The following FCHSD1 variants were observed in gnomAD, a reference collection of about 807,000 sequenced individuals.
FCHSD1 encodes the protein FCH and double SH3 domains 1.
A neutral mutation model predicts 101.3 loss-of-function variants in FCHSD1; 109 were observed. The observed-to-expected ratio is 1.08, with a 90% CI of 0.92 to 1.26. The LOEUF (loss-of-function observed/expected upper bound fraction) is 1.26, where lower values mean the gene tolerates loss of function less well. Among genes scored for constraint, FCHSD1 ranks in the 50% most tolerant of loss-of-function variants. The pLI, the probability that FCHSD1 is intolerant of heterozygous loss-of-function variation, is 0.00. For synonymous variants in FCHSD1, 291 were observed against 356.8 expected, an observed-to-expected ratio of 0.82 and a Z score of 2.08; for missense variants, 820 against 895.8, an observed-to-expected ratio of 0.92 and a Z score of 1.08.
chr5:141,643,753 C>G (rs920743347), intron 17 of FCHSD1, among the ~76,000 whole-genome samples: 13 of 151,368 alleles, frequency 8.6e-5, no homozygotes, highest in Admixed American at 2.6e-4. Flanking sequence ...GGGGCTGATA[C>G]AGGAGAATCG....
chr5:141,643,219 T>TGTGGG (rs2099907189), intron 17 of FCHSD1, 131 bp from the exon 18 acceptor site: 3 of 565,726 alleles, frequency 5.3e-6, no homozygotes, highest in South Asian at 5.4e-5. Flanking sequence ...TTGCATTCGG[T>TGTGGG]GGGGGGGTGT....
intron 3 of FCHSD1, 116 bp downstream of exon 3, chr5:141,650,243 T>C: frequency 7.5e-7 from 1 of 1,335,856 alleles, no homozygotes; most frequent in Admixed American, 1.8e-5. Flanking sequence ...CTGACACCAG[T>C]CTGCTTGACT....
At position 141,640,032 on chromosome 5, in the gene FCHSD1, G is replaced by C; in HGVS notation, c.*1466C>G. On this transcript the variant is annotated 3_prime_UTR_variant, in exon 20 of 20. Coordinates refer to ENST00000435817, the MANE Select transcript of FCHSD1 (RefSeq NM_033449.3). ...GGGACAGGACCCAGGGGGTGGTCAG[G>C]GGTCTGGGGGAGGGCAGCCCAAGGC... 2 of 1,613,644 alleles carry C rather than the reference G, an allele frequency of 1.2e-6. No homozygotes were observed. Among genetic ancestry groups the C allele is most frequent in the East Asian group, 2.2e-5 (1 of 44,862 alleles).
chr5:141,644,470 A>T lies in FCHSD1; in HGVS notation c.1643-32T>A, dbSNP rs1232826859. The stretch of plus-strand genomic sequence containing the variant: ...AGGCCCAGGAGAGACGGTGAGAGGG[A>T]GGTGGGTAGCAGTGCCCCAGGACCA... On this transcript the variant is annotated intron_variant, in intron 16 of 19. Coordinates refer to ENST00000435817, the MANE Select transcript of FCHSD1 (RefSeq NM_033449.3). 4 of 1,609,530 alleles carry T rather than the reference A, an allele frequency of 2.5e-6. No individual in the cohort carries two copies. In the Admixed American group the frequency reaches 5.0e-5, roughly 20 times the overall value.
chr5:141,641,784 T>C (rs1278969984), intron 18 of FCHSD1, 27 bp from the exon 19 acceptor site: 1 of 1,613,454 alleles, frequency 6.2e-7, no homozygotes, highest in Non-Finnish European at 8.5e-7. Flanking sequence ...CAAGTCAGTC[T>C]TCAGACTTTG....
Position 141,649,156 on chromosome 5 carries a change from C to T in FCHSD1, c.512+16G>A, listed in dbSNP as rs373969125. The stretch of plus-strand genomic sequence containing the variant: ...TGTTCCCCAACCTTGGGCTTCCTCA[C>T]TCTCCATGACCCCACCTGGCCTGGA... On this transcript the variant is annotated intron_variant, in intron 6 of 19. Coordinates refer to ENST00000435817, the MANE Select transcript of FCHSD1 (RefSeq NM_033449.3). The surrounding 1 kb of genome is among the most constrained non-coding windows in gnomAD (Gnocchi z 4.1). 1.2e-5 allele frequency: 20 copies of T among 1,614,006 alleles called. No homozygotes were observed. The African/African-American group carries it at 1.7e-4, about 14-fold the overall frequency.
chr5:141,642,384 G>C (rs2099907025), intron 18 of FCHSD1: 1 of 690,284 alleles, frequency 1.4e-6, no homozygotes, highest in African/African-American at 1.8e-5. Flanking sequence ...AGGGGCGAGG[G>C]TTGAAAAATT....
In FCHSD1 at chr5:141,641,294, C is replaced by G; in HGVS notation, c.*204G>C. 2.0e-6 allele frequency: 1 copy of G among 497,166 alleles called. No homozygotes were observed. 30.8% of individuals were successfully genotyped at this position (497,166 alleles called of 1,614,324 possible). A position where few individuals can be genotyped will look rare whatever the true frequency, so the allele number is the denominator to read the frequency against. ...GACAGAAGAGAAGGTAGTTCCGGTC[C>G]TAGAGATGATAGAACAATGGGAAAA... On this transcript the variant is annotated 3_prime_UTR_variant, in exon 20 of 20. Transcript: ENST00000435817.
intron 11 of FCHSD1, 133 bp downstream of exon 11, chr5:141,646,470 C>T: frequency 7.3e-7 from 1 of 1,367,458 alleles, no homozygotes; most frequent in African/African-American, 1.5e-5. Flanking sequence ...TATTGTGCCA[C>T]ACTGTTACCT....
rs748622836 is a variant in FCHSD1 at position 141,649,352 on chromosome 5, G to C, written c.375+43C>G. The C allele has an allele frequency of 1.2e-6, 2 of 1,613,692 alleles. No individual in the cohort carries two copies. Among genetic ancestry groups the C allele is most frequent in the East Asian group, 2.2e-5 (1 of 44,886 alleles). ...AAAGTCCTTACCTAGACCACCTTTG[G>C]TCCCAAGCCAGCTCTTCCTTCACCC... is the stretch of plus-strand genomic sequence containing the variant. On this transcript the variant is annotated intron_variant, in intron 5 of 19. Coordinates refer to ENST00000435817, the MANE Select transcript of FCHSD1 (RefSeq NM_033449.3). The surrounding 1 kb of genome is among the most constrained non-coding windows in gnomAD (Gnocchi z 4.1).
intron 19 of FCHSD1, 61 bp from the exon 20 acceptor site, chr5:141,641,624 C>T (rs1425070342): frequency 8.7e-6 from 14 of 1,607,074 alleles, no homozygotes; most frequent in Non-Finnish European, 1.2e-5. Flanking sequence ...CTGTCTATTC[C>T]CTCAGCCCTG....
rs1304887178 is a variant in FCHSD1, at chr5:141,648,116, T to C, written c.577-20A>G. ...GGACAGCTAGGAGGGTAAACTGATG[T>C]CAATAGGAAGCCCTAGACCCCCAGA... On this transcript the variant is annotated intron_variant, in intron 7 of 19. Transcript: ENST00000435817. 6.3e-7 allele frequency: 1 copy of C among 1,594,820 alleles called. No homozygotes were observed. The highest frequency in any genetic ancestry group is 2.2e-5 in the East Asian group (1 of 44,526).
Position 141,649,932 on chromosome 5 carries a change from G to T in FCHSD1, c.188C>A (p.Pro63Gln). The change falls in exon 4 of 20, where the codon CCA (proline) becomes CAA (glutamine). Residue 63 changes from proline to glutamine, a missense_variant. Pro to Gln is a moderately conservative substitution (Grantham distance 76, BLOSUM62 -1). Coordinates refer to ENST00000435817, the MANE Select transcript of FCHSD1 (RefSeq NM_033449.3). This position sits in a 1 kb window ranked among gnomAD's most constrained non-coding sequence, Gnocchi z 4.1. ...CCGGTGCCCTTCCCTCTTCAGGAAT[G>T]GGCCAGCCAGTTTCTGGAGTGCCTG... Reference protein sequence around the residue: ...YGQALQKLAGPFLKREGHRSG... With the variant: ...YGQALQKLAGQFLKREGHRSG... The T allele has an allele frequency of 2.6e-6, 4 of 1,548,862 alleles. No individual in the cohort carries two copies. Among genetic ancestry groups the T allele is most frequent in the Non-Finnish European group, 3.5e-6 (4 of 1,147,472 alleles).
intron 17 of FCHSD1, among the ~76,000 whole-genome samples, chr5:141,643,867 A>G (rs376775102): frequency 6.1e-5 from 9 of 147,076 alleles, no homozygotes; most frequent in East Asian, 1.9e-4. Flanking sequence ...AAAAAAGAAG[A>G]AGGCTTTACC....
intron 11 of FCHSD1, 43 bp downstream of exon 11, chr5:141,646,560 G>A (rs984734168): frequency 6.3e-7 from 1 of 1,579,568 alleles, no homozygotes; most frequent in African/African-American, 1.4e-5. Flanking sequence ...TCTTCTTGCT[G>A]AGACAAGAAG....
In FCHSD1 at chr5:141,648,051, G is replaced by A. The variant is rs767896493; in HGVS notation, c.622C>T (p.Arg208Cys). 6.6e-5 allele frequency: 106 copies of A among 1,613,474 alleles called. No homozygotes were observed. The highest frequency in any genetic ancestry group is 8.1e-5 in the Non-Finnish European group (96 of 1,179,704). ...AQYSQQLQAA[R>C]NEYLLNLVAT... ...ACCAAGTTAAGCAGGTACTCATTGC[G>A]GGCTGCTTGCAGCTGCTGGGAGTAC... Residue 208 changes from arginine to cysteine, a missense_variant, in exon 8 of 20, where the codon CGC (arginine) becomes TGC (cysteine). Arg to Cys is a radical substitution (Grantham distance 180). Coordinates refer to ENST00000435817, the MANE Select transcript of FCHSD1 (RefSeq NM_033449.3).
In FCHSD1 at chr5:141,651,081, C is replaced by A. The variant is rs575872002; in HGVS notation, c.58G>T (p.Glu20Ter). The A allele has an allele frequency of 6.3e-7, 1 of 1,597,970 alleles. No homozygotes were observed. The highest frequency in any genetic ancestry group is 8.5e-7 in the Non-Finnish European group (1 of 1,171,996). The change falls in exon 2 of 20, where the codon GAA becomes TAA. Residue 20 changes from glutamate to a stop codon, truncating the protein, a stop_gained. Transcript: ENST00000435817. LOFTEE classifies it high-confidence loss of function. ...CAGGTCTGAAGGATGCTCAGCTGTT[C>A]CAGGAAGCGAAGCTTCACCTCCTGG... ...PAQEVKLRFL[E>*]QLSILQTWQQ... is the part of the protein sequence containing the mutation.
chr5:141,645,638 T>C (rs1554220011), intron 13 of FCHSD1, 133 bp downstream of exon 13: 1 of 1,081,052 alleles, frequency 9.3e-7, no homozygotes, highest in Non-Finnish European at 1.3e-6. Context: ...GAATGATATA[T>C]GATGATTTCA....
chr5:141,646,725 G>C lies in FCHSD1; in HGVS notation c.925-3C>G. 1 of 1,612,028 alleles carries C rather than the reference G, an allele frequency of 6.2e-7. No homozygotes were observed. Among genetic ancestry groups the C allele is most frequent in the African/African-American group, 1.3e-5 (1 of 75,012 alleles). ...GCTCCCCACTCCAGGACACACACCTGAATGGGTCAGGGGGTGCTGTGAGGA... is the reference window on the plus strand; with the variant it reads ...GCTCCCCACTCCAGGACACACACCTCAATGGGTCAGGGGGTGCTGTGAGGA... On this transcript the variant is annotated splice_region_variant and splice_polypyrimidine_tract_variant and intron_variant, in intron 10 of 19. Coordinates refer to ENST00000435817, the MANE Select transcript of FCHSD1 (RefSeq NM_033449.3).
Sources: allele counts gnomAD v4.1 joint callset (sites outside exome capture counted in the v4.1 genomes callset), GRCh38; gene constraint gnomAD v4.1.1; non-coding constraint Gnocchi (gnomAD v3.1); transcripts MANE v1.5; gene names NCBI Gene and HGNC (gene_info 2026-07-23, HGNC 2026-07-21).